Variants in SDHAF3 observed in about 807,000 individuals in gnomAD.
SDHAF3 encodes succinate dehydrogenase assembly factor 3, mitochondrial.
A neutral mutation model predicts 11.5 loss-of-function variants in SDHAF3; 18 were observed. The ratio of observed to expected loss-of-function variants is 1.56; its 90% confidence interval spans 1.08 to 2.32. SDHAF3 has a LOEUF of 2.32. Ranked by LOEUF, SDHAF3 falls within the 30% of genes most tolerant of loss-of-function variation. The pLI is 0.00. For missense variants in SDHAF3, 200 were observed against 154.4 expected (o/e 1.30, Z -1.57); for synonymous variants, 72 against 59.3 (o/e 1.21, Z -0.99).
chr7:97,125,195 A>AT (rs139626373), intron 1 of SDHAF3, among the ~76,000 whole-genome samples: 1,913 of 151,934 alleles, frequency 0.013, 38 homozygotes, highest in African/African-American at 0.042. Flanking sequence ...CGATTCATGG[A>AT]TTTTTTTGAA....
intron 1 of SDHAF3, among the ~76,000 whole-genome samples, chr7:97,143,298 A>T (rs962958865): frequency 6.6e-6 from 1 of 151,978 alleles, no homozygotes; most frequent in African/African-American, 2.4e-5. Context: ...AGTCTGATAC[A>T]TTAATTTTTT....
chr7:97,173,710 G>A (rs1015462808), intron 1 of SDHAF3, among the ~76,000 whole-genome samples: 4 of 150,362 alleles, frequency 2.7e-5, no homozygotes, highest in African/African-American at 4.9e-5. Context: ...CCACCACCAC[G>A]CCCGGCTAAT....
intron 1 of SDHAF3, among the ~76,000 whole-genome samples, chr7:97,123,216 A>C (rs897164684): frequency 6.6e-6 from 1 of 151,972 alleles, no homozygotes; most frequent in African/African-American, 2.4e-5. Flanking sequence ...TCATTGTTCA[A>C]TTCCCACTTA....
intron 1 of SDHAF3, among the ~76,000 whole-genome samples, chr7:97,139,691 G>A (rs1476041123): frequency 6.6e-6 from 1 of 152,200 alleles, no homozygotes; most frequent in African/African-American, 2.4e-5. Context: ...ATCAGTGTGG[G>A]GTAGGAAGTA....
intron 1 of SDHAF3, among the ~76,000 whole-genome samples, chr7:97,137,226 G>C (rs1229715539): frequency 6.6e-6 from 1 of 152,092 alleles, no homozygotes; most frequent in East Asian, 1.9e-4. Flanking sequence ...CATACGTTCT[G>C]TTAGAGCCCA....
intron 1 of SDHAF3, among the ~76,000 whole-genome samples, chr7:97,166,197 T>C (rs1029107575): frequency 2.0e-5 from 3 of 152,220 alleles, no homozygotes; most frequent in Non-Finnish European, 4.4e-5. Context: ...TAGTTTTTTG[T>C]CAAAGTTAAG....
intron 1 of SDHAF3, among the ~76,000 whole-genome samples, chr7:97,127,784 T>C (rs1352600175): frequency 2.0e-5 from 3 of 152,134 alleles, no homozygotes; most frequent in African/African-American, 4.8e-5. Context: ...CAAGTATGAG[T>C]GGGTCAGTTG....
intron 1 of SDHAF3, among the ~76,000 whole-genome samples, chr7:97,126,160 T>A (rs1319293318): frequency 2.6e-5 from 4 of 152,174 alleles, no homozygotes; most frequent in African/African-American, 9.7e-5. Context: ...CTGCCTGCTC[T>A]TTCCTCTGGA....
chr7:97,173,086 A>G (rs1206903806), intron 1 of SDHAF3, among the ~76,000 whole-genome samples: 1 of 152,198 alleles, frequency 6.6e-6, no homozygotes, highest in African/African-American at 2.4e-5. Context: ...ATGCTCCTGT[A>G]AGAATCTAAT....
At chr7:97,139,765 G>T (rs1387092853) in intron 1 of SDHAF3, among the ~76,000 whole-genome samples, 1 of 152,204 alleles carries the variant, frequency 6.6e-6, no homozygotes, top group Non-Finnish European at 1.5e-5. Flanking sequence ...TTGTAATTTT[G>T]TTATTCTTAA....
chr7:97,181,360 T>C lies in SDHAF3; in HGVS notation c.*145T>C. 1 of 601,094 alleles carries C rather than the reference T, an allele frequency of 1.7e-6. No homozygotes were observed. The highest frequency in any genetic ancestry group is 2.9e-5 in the East Asian group (1 of 33,926). The allele number at this position is 601,094 out of a possible 1,614,324, so 37.2% of individuals were successfully genotyped here. On this transcript the variant is annotated 3_prime_UTR_variant, in exon 2 of 2. Transcript: ENST00000432641. ...TTTTGGATATTATGATTGCAGTATA[T>C]GGATCAAGATCACTAGTGACAATTG...
intron 1 of SDHAF3, chr7:97,135,633 CGTGCGTGTGTGT>C (rs1176717134): frequency 1.4e-5 from 1 of 71,050 alleles, no homozygotes; most frequent in African/African-American, 6.0e-5. Flanking sequence ...GATGTATGTG[CGTGCGTGTGTGT>C]GTGTGTGTGT....
chr7:97,129,659 T>A (rs1474959932), intron 1 of SDHAF3, among the ~76,000 whole-genome samples: 1 of 152,090 alleles, frequency 6.6e-6, no homozygotes, highest in Non-Finnish European at 1.5e-5. Flanking sequence ...TGATGCAGGA[T>A]TTTTTCAGTG....
chr7:97,132,910 A>G (rs755274916), intron 1 of SDHAF3, among the ~76,000 whole-genome samples: 2 of 152,344 alleles, frequency 1.3e-5, no homozygotes, highest in African/African-American at 2.4e-5. Context: ...AGAAATGATC[A>G]GATTTTTGGC....
intron 1 of SDHAF3, among the ~76,000 whole-genome samples, chr7:97,168,807 G>C (rs1320261581): frequency 1.3e-5 from 2 of 151,854 alleles, no homozygotes; most frequent in African/African-American, 4.8e-5. Flanking sequence ...TTTTCTTTTA[G>C]CCTATAAATA....
At chr7:97,170,728 C>T (rs1789592088) in intron 1 of SDHAF3, among the ~76,000 whole-genome samples, 10 of 151,954 alleles carry the variant, frequency 6.6e-5, no homozygotes, top group Admixed American at 6.6e-4. Context: ...CTCTGGGAGT[C>T]ACAGGTGAAT....
intron 1 of SDHAF3, among the ~76,000 whole-genome samples, chr7:97,163,168 C>CTT (rs58956333): frequency 0.1 from 13,091 of 125,080 alleles, 992 homozygotes; most frequent in East Asian, 0.27. Flanking sequence ...GTTTAAAGTC[C>CTT]TTTTTTTTTT....
intron 1 of SDHAF3, among the ~76,000 whole-genome samples, chr7:97,164,556 A>C (rs190082850): frequency 1.1e-4 from 16 of 151,622 alleles, no homozygotes; most frequent in African/African-American, 3.6e-4. Flanking sequence ...TTGTATTTTT[A>C]GTAGAGATGG....
intron 1 of SDHAF3, among the ~76,000 whole-genome samples, chr7:97,157,985 G>A (rs1789330173): frequency 7.2e-6 from 1 of 138,206 alleles, no homozygotes; most frequent in South Asian, 2.7e-4. Context: ...GTGGGGGAAG[G>A]GATAGGATTA....
Sources: allele counts gnomAD v4.1 joint callset (sites outside exome capture counted in the v4.1 genomes callset), GRCh38; gene constraint gnomAD v4.1.1; transcripts MANE v1.5; gene names NCBI Gene and HGNC (gene_info 2026-07-23, HGNC 2026-07-21).